The following NREP variants were observed in gnomAD, a reference collection of about 807,000 sequenced individuals.
NREP encodes the protein neuronal regeneration-related protein.
NREP carries 5 observed loss-of-function variants against 8.6 expected under a neutral mutation model. That is an observed-to-expected ratio of 0.58 (90% CI 0.30 to 1.22). The LOEUF is 1.22. Ranked by LOEUF, NREP falls within the 50% of genes most tolerant of loss-of-function variation. The pLI is 0.07. For missense variants in NREP, 86 were observed against 82.5 expected (o/e 1.04, Z -0.17); for synonymous variants, 27 against 28.0 (o/e 0.96, Z 0.11).
chr5:111,921,903 T>C (rs1221291316), intron 2 of NREP, among the ~76,000 whole-genome samples: 2 of 152,134 alleles, frequency 1.3e-5, no homozygotes, highest in African/African-American at 4.8e-5. Context: ...CACTTTTGCT[T>C]CTTCCTCATT....
chr5:111,850,135 G>A (rs564363004), intron 2 of NREP, among the ~76,000 whole-genome samples: 32 of 152,072 alleles, frequency 2.1e-4, no homozygotes, highest in African/African-American at 3.1e-4. Flanking sequence ...GACAAGTTCC[G>A]TGTCTACCTC....
intron 2 of NREP, among the ~76,000 whole-genome samples, chr5:111,748,852 C>A (rs1353622050): frequency 6.6e-6 from 1 of 152,118 alleles, no homozygotes; most frequent in African/African-American, 2.4e-5. Context: ...AAGTATACAA[C>A]CTCGGAGGGT....
intron 2 of NREP, among the ~76,000 whole-genome samples, chr5:111,953,354 T>G (rs1353708777): frequency 1.3e-5 from 2 of 152,112 alleles, no homozygotes; most frequent in Non-Finnish European, 2.9e-5. Context: ...AAGTTTCCTT[T>G]TGAACACTCT....
chr5:111,757,235 G>GT, upstream of NREP: 1 of 558,824 alleles, frequency 1.8e-6, no homozygotes, highest in Non-Finnish European at 2.2e-6. Flanking sequence ...AGATTGGGGG[G>GT]GGAGGGGGGA....
intron 2 of NREP, among the ~76,000 whole-genome samples, chr5:111,893,714 C>T (rs1385091693): frequency 6.6e-6 from 1 of 150,566 alleles, no homozygotes; most frequent in African/African-American, 2.4e-5. Flanking sequence ...TTTTTAGGCA[C>T]CTTTTTATTT....
intron 2 of NREP, among the ~76,000 whole-genome samples, chr5:111,793,085 C>T (rs1751788543): frequency 6.6e-6 from 1 of 152,090 alleles, no homozygotes; most frequent in South Asian, 2.1e-4. Context: ...CACAAGTCAC[C>T]CAGTAAACTA....
intron 2 of NREP, among the ~76,000 whole-genome samples, chr5:111,792,395 G>A (rs1017595021): frequency 9.2e-5 from 14 of 152,326 alleles, no homozygotes; most frequent in African/African-American, 3.4e-4. Flanking sequence ...TTAATAAAAT[G>A]ATTGGAAGAG....
At chr5:111,886,835 C>T (rs1388532974) in intron 2 of NREP, among the ~76,000 whole-genome samples, 40 of 142,508 alleles carry the variant, frequency 2.8e-4, no homozygotes, top group East Asian at 8.3e-4. Context: ...GGTTGGGGGA[C>T]GGGGGAGGGA....
At chr5:111,970,690 G>A (rs999203104) in intron 2 of NREP, among the ~76,000 whole-genome samples, 1 of 152,020 alleles carries the variant, frequency 6.6e-6, no homozygotes, top group Admixed American at 6.6e-5. Flanking sequence ...GCTGGGCATG[G>A]TGGCATGCGC....
At chr5:111,818,730 T>C (rs1351111784) in intron 2 of NREP, among the ~76,000 whole-genome samples, 1 of 152,218 alleles carries the variant, frequency 6.6e-6, no homozygotes, top group African/African-American at 2.4e-5. Flanking sequence ...TGTAAAGTAA[T>C]GTAGTGTACC....
Position 111,871,763 on chromosome 5 carries a change from G to A in NREP, c.135+103511C>T, listed in dbSNP as rs573941958. ...TCATCAAGATGTCACTAGGTGATAC[G>A]AGTTTTTCAGCTCCATTATAATCTT... On this transcript the variant is annotated intron_variant, in intron 2 of 3. Coordinates refer to the NREP transcript ENST00000395634. 7.2e-4 allele frequency among the ~76,000 whole-genome samples: 109 copies of A among 151,066 alleles called. 1 individual carries two copies. The highest frequency in any genetic ancestry group is 2.6e-3 in the African/African-American group (106 of 41,294).
intron 1 of NREP, chr5:111,975,446 A>G (rs1227319527): frequency 4.9e-6 from 5 of 1,027,632 alleles, no homozygotes; most frequent in African/African-American, 3.2e-5. Context: ...TCACAGCTCC[A>G]GCAATTCAGA....
At position 111,731,001 on chromosome 5, in the gene NREP, C is replaced by A. The variant is rs1486921971; in HGVS notation, c.127G>T (p.Glu43Ter). 3 of 1,613,928 alleles carry A rather than the reference C, an allele frequency of 1.9e-6. No individual in the cohort carries two copies. The change falls in exon 4 of 4, where the codon GAG becomes TAG. Residue 43 changes from glutamate to a stop codon, truncating the protein, a stop_gained. Coordinates refer to ENST00000257435, the MANE Select transcript of NREP (RefSeq NM_004772.4). LOFTEE classifies it high-confidence loss of function. Reference sequence around the variant, plus strand: ...GGAGTCAGGGAGGCAGCGTTTGTCTCATCGTTCTTCTTGCGGTTCACTTCC... The same window carrying A: ...GGAGTCAGGGAGGCAGCGTTTGTCTAATCGTTCTTCTTGCGGTTCACTTCC... Reference protein sequence around the residue: ...PKEVNRKKNDETNAASLTPLG... With the variant: ...PKEVNRKKND
At chr5:111,778,031 A>G (rs1459235783) in intron 2 of NREP, among the ~76,000 whole-genome samples, 2 of 152,178 alleles carry the variant, frequency 1.3e-5, no homozygotes, top group Admixed American at 6.6e-5. Flanking sequence ...CTGTACGTAG[A>G]ACAAGCTAAA....
intron 2 of NREP, among the ~76,000 whole-genome samples, chr5:111,888,161 C>G (rs1283382854): frequency 1.3e-5 from 2 of 152,128 alleles, no homozygotes; most frequent in African/African-American, 4.8e-5. Context: ...GGAAGTCAGT[C>G]TCTTATCTTT....
chr5:111,934,929 A>G (rs754217045), intron 2 of NREP, among the ~76,000 whole-genome samples: 7 of 151,304 alleles, frequency 4.6e-5, no homozygotes, highest in Non-Finnish European at 1.0e-4. Flanking sequence ...TGCCTATGGG[A>G]GCTACTGTCA....
chr5:111,964,855 CAAAAAAAAAAAAAAAAAAAAAAAAAA>C lies in NREP; in HGVS notation c.135+10393_135+10418del, dbSNP rs58877839. Among the ~76,000 whole-genome samples, 13 of 44,882 alleles carry C rather than the reference CAAAAAAAAAAAAAAAAAAAAAAAAAA, an allele frequency of 2.9e-4. 1 individual carries two copies. The highest frequency in any genetic ancestry group is 1.8e-3 in the Admixed American group (5 of 2,804). 29.4% of individuals were successfully genotyped at this position (44,882 alleles called of 152,430 possible). On this transcript the variant is annotated intron_variant, in intron 2 of 3. Coordinates refer to the NREP transcript ENST00000395634. ...AGTCTACTTAGAATGCTTTCAGCAG[CAAAAAAAAAAAAAAAAAAAAAAAAAA>C]AAAAAAAAAAAAAAGAAACCATGTA...
intron 2 of NREP, among the ~76,000 whole-genome samples, chr5:111,903,775 A>T (rs1342666285): frequency 1.3e-5 from 2 of 152,156 alleles, no homozygotes; most frequent in Non-Finnish European, 2.9e-5. Context: ...CTCCCGATGA[A>T]TGGAGACATT....
At chr5:111,857,552 T>A (rs1442223857) in intron 2 of NREP, among the ~76,000 whole-genome samples, 1 of 152,082 alleles carries the variant, frequency 6.6e-6, no homozygotes, top group Non-Finnish European at 1.5e-5. Flanking sequence ...AGTCTCACCC[T>A]ACTGTCAGCT....
Sources: allele counts gnomAD v4.1 joint callset (sites outside exome capture counted in the v4.1 genomes callset), GRCh38; gene constraint gnomAD v4.1.1; transcripts MANE v1.5; gene names NCBI Gene and HGNC (gene_info 2026-07-23, HGNC 2026-07-21).